NPAT: variants seen among roughly 807,000 people sequenced by gnomAD.
The protein encoded by NPAT is nuclear protein, coactivator of histone transcription, also known as protein NPAT.
In NPAT, 52 loss-of-function variants were observed where a neutral mutation model predicts 130.7. That is an observed-to-expected ratio of 0.40 (90% CI 0.32 to 0.50). The LOEUF is 0.50. NPAT is among the 20% of genes least tolerant of loss of function. The probability of loss-of-function intolerance (pLI) is 0.68; values close to 1 mark genes in which losing one functional copy is unlikely to be tolerated. For synonymous variants in NPAT, 580 were observed against 584.8 expected (o/e 0.99, Z 0.12); for missense variants, 1,687 against 1,662.6 (o/e 1.01, Z -0.26).
intron 6 of NPAT, among the ~76,000 whole-genome samples, chr11:108,188,829 C>A (rs796814599): frequency 2.0e-5 from 3 of 152,232 alleles, no homozygotes; most frequent in African/African-American, 4.8e-5. Flanking sequence ...CATTTAAAAT[C>A]AAATACAACA....
chr11:108,221,773 A>G (rs1164140617), intron 1 of NPAT, among the ~76,000 whole-genome samples: 1 of 152,138 alleles, frequency 6.6e-6, no homozygotes, highest in Non-Finnish European at 1.5e-5. Flanking sequence ...GACAAACAAC[A>G]ACAAAACCCG....
At chr11:108,203,344 T>C (rs547020321) in intron 1 of NPAT, among the ~76,000 whole-genome samples, 5 of 152,234 alleles carry the variant, frequency 3.3e-5, no homozygotes, top group East Asian at 3.9e-4. Flanking sequence ...CCAGGGGACA[T>C]AGTACTGGGT....
intron 10 of NPAT, among the ~76,000 whole-genome samples, chr11:108,183,449 A>G (rs1004708321): frequency 6.6e-6 from 1 of 152,164 alleles, no homozygotes; most frequent in Non-Finnish European, 1.5e-5. Context: ...AAATATTTCT[A>G]TTGTCCAATG....
intron 3 of NPAT, among the ~76,000 whole-genome samples, chr11:108,193,032 A>G (rs888860468): frequency 4.6e-5 from 7 of 152,194 alleles, no homozygotes; most frequent in African/African-American, 1.7e-4. Context: ...TTATACACAG[A>G]CAATGTCAAA....
In NPAT at chr11:108,214,631, ATTTTTTT is replaced by A. The variant is rs575646719; in HGVS notation, c.37+7862_37+7868del. Among the ~76,000 whole-genome samples the A allele has an allele frequency of 2.1e-3, 295 of 140,392 alleles. 2 individuals are homozygous for A. Among genetic ancestry groups the A allele is most frequent in the Admixed American group, 0.021 (288 of 14,006 alleles). The allele number at this position is 140,392 out of a possible 152,430, so 92.1% of individuals were successfully genotyped here. A position where few individuals can be genotyped will look rare whatever the true frequency, so the allele number is the denominator to read the frequency against. ...ATCTCAATAAAAAAATATGATTCCA[ATTTTTTT>A]TTTTTTTTTTTGAGATGGAGTCCCG... On this transcript the variant is annotated intron_variant, in intron 1 of 17. Transcript: ENST00000278612.
chr11:108,214,170 A>C (rs1385696933), intron 1 of NPAT, among the ~76,000 whole-genome samples: 1 of 152,212 alleles, frequency 6.6e-6, no homozygotes, highest in Non-Finnish European at 1.5e-5. Context: ...TGTTGGGATT[A>C]CAGGGTGAGC....
intron 1 of NPAT, among the ~76,000 whole-genome samples, chr11:108,215,852 T>C (rs189705740): frequency 6.6e-6 from 1 of 152,320 alleles, no homozygotes; most frequent in African/African-American, 2.4e-5. Context: ...GAGAAAGCAT[T>C]TGGATATCTG....
chr11:108,186,121 G>A (rs1431526791), intron 8 of NPAT, among the ~76,000 whole-genome samples: 1 of 151,882 alleles, frequency 6.6e-6, no homozygotes, highest in East Asian at 1.9e-4. Context: ...GGCTCAAGCA[G>A]TCCTCCCATC....
intron 13 of NPAT, 132 bp from the exon 14 acceptor site, chr11:108,170,175 C>A: frequency 3.1e-6 from 2 of 643,914 alleles, no homozygotes; most frequent in Non-Finnish European, 5.6e-6. Context: ...TTACGATCCA[C>A]TCTCCAAAAA....
chr11:108,178,271 T>C (rs1397622984), intron 10 of NPAT, among the ~76,000 whole-genome samples: 1 of 152,198 alleles, frequency 6.6e-6, no homozygotes, highest in East Asian at 1.9e-4. Context: ...TATGGAATTA[T>C]GTTGTAGAAC....
intron 17 of NPAT, among the ~76,000 whole-genome samples, chr11:108,159,442 T>G (rs572460335): frequency 1.3e-5 from 2 of 152,302 alleles, no homozygotes; most frequent in South Asian, 4.1e-4. Flanking sequence ...AGATACCTGG[T>G]AATATCATGT....
chr11:108,182,822 T>A (rs1324854238), intron 10 of NPAT, among the ~76,000 whole-genome samples: 1 of 152,258 alleles, frequency 6.6e-6, no homozygotes, highest in Non-Finnish European at 1.5e-5. Context: ...ACGAATACAG[T>A]ATTATGAACA....
At chr11:108,209,219 G>C (rs1591416886) in intron 1 of NPAT, among the ~76,000 whole-genome samples, 1 of 152,282 alleles carries the variant, frequency 6.6e-6, no homozygotes, top group Non-Finnish European at 1.5e-5. Context: ...GGCGGAGGCT[G>C]CAGTGAGCCA....
At chr11:108,205,188 T>A (rs1441657649) in intron 1 of NPAT, among the ~76,000 whole-genome samples, 2 of 152,208 alleles carry the variant, frequency 1.3e-5, no homozygotes, top group Non-Finnish European at 2.9e-5. Flanking sequence ...GAGATGATAT[T>A]CAAAGACTTG....
chr11:108,201,544 C>T (rs1229163029), intron 1 of NPAT, among the ~76,000 whole-genome samples: 1 of 152,174 alleles, frequency 6.6e-6, no homozygotes. Context: ...CAAGGTCCAG[C>T]CCAGAAACCT....
At chr11:108,179,996 C>T (rs2078044764) in intron 10 of NPAT, among the ~76,000 whole-genome samples, 2 of 152,068 alleles carry the variant, frequency 1.3e-5, no homozygotes, top group South Asian at 2.1e-4. Context: ...AAAATGTTTG[C>T]AAATTCTATC....
Position 108,159,001 on chromosome 11 carries a change from A to C in NPAT, c.4225T>G (p.Ser1409Ala). 2 of 1,607,200 alleles carry C rather than the reference A, an allele frequency of 1.2e-6. No individual in the cohort carries two copies. Among genetic ancestry groups the C allele is most frequent in the South Asian group, 2.2e-5 (2 of 90,974 alleles). The change falls in exon 18 of 18, where the codon TCA becomes GCA. Residue 1409 changes from serine (S) to alanine (A), a missense_variant. Ser to Ala is a moderately conservative substitution (Grantham distance 99). Transcript: ENST00000278612. Reference protein sequence around the residue: ...KKIKKKKLPSSFPAGMDVDKF... With the variant: ...KKIKKKKLPSAFPAGMDVDKF... ...TCTACATCCATTCCTGCTGGAAATG[A>C]ACTGGGAAGCTTCTTTTTCTGTTGA...
intron 1 of NPAT, among the ~76,000 whole-genome samples, chr11:108,210,092 G>A: frequency 6.7e-6 from 1 of 148,624 alleles, no homozygotes; most frequent in East Asian, 2.0e-4. Context: ...AAAAAAAAGA[G>A]AATACTCAAA....
chr11:108,166,555 T>C (rs937494316), intron 15 of NPAT, among the ~76,000 whole-genome samples: 3 of 152,234 alleles, frequency 2.0e-5, no homozygotes, highest in African/African-American at 2.4e-5. Flanking sequence ...TCTCTATATA[T>C]TGTATATTTA....
Sources: allele counts gnomAD v4.1 joint callset (sites outside exome capture counted in the v4.1 genomes callset), GRCh38; gene constraint gnomAD v4.1.1; transcripts MANE v1.5; gene names NCBI Gene and HGNC (gene_info 2026-07-23, HGNC 2026-07-21).